Variants in CHMP4B observed in about 807,000 individuals in gnomAD.
CHMP4B encodes SNF7 homolog associated with Alix 1.
In CHMP4B, 1 loss-of-function variant was observed where a neutral mutation model predicts 25.1. The ratio of observed to expected loss-of-function variants is 0.04; its 90% confidence interval spans 0.01 to 0.19. The LOEUF (loss-of-function observed/expected upper bound fraction) is 0.19. Ranked by LOEUF, CHMP4B falls within the 10% of genes least tolerant of loss-of-function variation. CHMP4B has a pLI of 1.00. For missense variants in CHMP4B, 151 were observed against 289.7 expected (o/e 0.52, Z 3.48); for synonymous variants, 101 against 115.6 (o/e 0.87, Z 0.81).
chr20:33,838,624 A>G (rs1346638257), intron 1 of CHMP4B, among the ~76,000 whole-genome samples: 1 of 152,214 alleles, frequency 6.6e-6, no homozygotes, highest in Non-Finnish European at 1.5e-5. Context: ...TTAGCCTCTG[A>G]TCGCTGTTTA....
rs779662962 is a variant in CHMP4B, at chr20:33,846,190, G to A, written c.191-2277G>A. 2.7e-4 allele frequency among the ~76,000 whole-genome samples: 41 copies of A among 152,238 alleles called. No homozygotes were observed. In the Middle Eastern group the frequency reaches 0.014, roughly 51 times the overall value. On this transcript the variant is annotated intron_variant, in intron 1 of 4. Coordinates refer to ENST00000217402, the MANE Select transcript of CHMP4B (RefSeq NM_176812.5). ...CAGGGACTTTGGGGTTCCATACCTGGTTTAAGTCCCCTCTCTGCCAGTTAC... is the reference window on the plus strand; with the variant it reads ...CAGGGACTTTGGGGTTCCATACCTGATTTAAGTCCCCTCTCTGCCAGTTAC...
chr20:33,837,386 A>AT (rs1185202295), intron 1 of CHMP4B, among the ~76,000 whole-genome samples: 1 of 151,992 alleles, frequency 6.6e-6, no homozygotes, highest in Non-Finnish European at 1.5e-5. Flanking sequence ...TAGGATCAAG[A>AT]TTTTTAAGAT....
chr20:33,836,392 A>G (rs1303093767), intron 1 of CHMP4B, among the ~76,000 whole-genome samples: 1 of 151,806 alleles, frequency 6.6e-6, no homozygotes, highest in East Asian at 1.9e-4. Flanking sequence ...AGCAGTGTTT[A>G]TCTAGTATAG....
At chr20:33,846,538 A>C (rs1979693835) in intron 1 of CHMP4B, among the ~76,000 whole-genome samples, 1 of 152,184 alleles carries the variant, frequency 6.6e-6, no homozygotes, top group African/African-American at 2.4e-5. Context: ...TTTGGTCAGC[A>C]TTTGTTGGAA....
chr20:33,847,857 A>G (rs1411811932), intron 1 of CHMP4B, among the ~76,000 whole-genome samples: 1 of 152,130 alleles, frequency 6.6e-6, no homozygotes, highest in Non-Finnish European at 1.5e-5. Flanking sequence ...GTGTGTTGCC[A>G]TGTTACTTTT....
intron 1 of CHMP4B, among the ~76,000 whole-genome samples, chr20:33,821,856 G>A (rs1280555176): frequency 1.3e-5 from 2 of 151,384 alleles, no homozygotes; most frequent in East Asian, 3.8e-4. Flanking sequence ...TCTTGCTGTC[G>A]CCCAGGCTGG....
At chr20:33,842,010 T>C (rs993422090) in intron 1 of CHMP4B, among the ~76,000 whole-genome samples, 2 of 152,162 alleles carry the variant, frequency 1.3e-5, no homozygotes, top group African/African-American at 4.8e-5. Flanking sequence ...CACTGCGGGG[T>C]CCTGGCAAGC....
chr20:33,811,388 G>A lies in CHMP4B; in HGVS notation c.-81G>A, dbSNP rs1291401450. ...GGCAGGGAGCGGCGGGACTGGGAGCGGGCGCCGGAGCCGACCCGAGCCGAG... is the reference window on the plus strand; with the variant it reads ...GGCAGGGAGCGGCGGGACTGGGAGCAGGCGCCGGAGCCGACCCGAGCCGAG... On this transcript the variant is annotated 5_prime_UTR_variant, in exon 1 of 5. Transcript: ENST00000217402. 5.1e-6 allele frequency: 6 copies of A among 1,186,856 alleles called. No homozygotes were observed. In the South Asian group the frequency reaches 1.8e-4, roughly 35 times the overall value. The allele number at this position is 1,186,856 out of a possible 1,614,324, so 73.5% of individuals were successfully genotyped here. A position where few individuals can be genotyped will look rare whatever the true frequency, so the allele number is the denominator to read the frequency against.
At chr20:33,831,718 T>C (rs766457989) in intron 1 of CHMP4B, among the ~76,000 whole-genome samples, 4 of 152,250 alleles carry the variant, frequency 2.6e-5, no homozygotes, top group Non-Finnish European at 5.9e-5. Context: ...GGTAATTCTG[T>C]GCAGTTTGGA....
intron 1 of CHMP4B, 96 bp downstream of exon 1, chr20:33,811,754 C>T: frequency 1.5e-6 from 2 of 1,305,422 alleles, no homozygotes; most frequent in South Asian, 2.5e-5. Flanking sequence ...GGGGTCTGGT[C>T]TGACCCTGGA....
At chr20:33,853,087 G>A (rs906739598) in intron 4 of CHMP4B, among the ~76,000 whole-genome samples, 27 of 152,290 alleles carry the variant, frequency 1.8e-4, no homozygotes, top group Admixed American at 1.6e-3. Context: ...GGCAGAGGCC[G>A]TCCAGCAAGC....
At chr20:33,851,104 T>C (rs769847123) in intron 3 of CHMP4B, 38 bp downstream of exon 3, 7 of 1,264,260 alleles carry the variant, frequency 5.5e-6, no homozygotes, top group Non-Finnish European at 8.1e-6. Context: ...GCTTCACAAA[T>C]GATACCCTGA....
intron 1 of CHMP4B, among the ~76,000 whole-genome samples, chr20:33,815,449 G>A (rs894914455): frequency 1.3e-5 from 2 of 152,210 alleles, no homozygotes; most frequent in Admixed American, 6.5e-5. Context: ...ACGAAGGAGA[G>A]AGGGGAGTGG....
chr20:33,818,280 A>G (rs1236944724), intron 1 of CHMP4B, among the ~76,000 whole-genome samples: 1 of 152,244 alleles, frequency 6.6e-6, no homozygotes, highest in Non-Finnish European at 1.5e-5. Flanking sequence ...TAACTATGAG[A>G]AAAGGCAAAC....
rs946198768 is a variant in CHMP4B, at chr20:33,850,880, C to G, written c.369-72C>G. ...GATTTTGTGGGGCCCAGTTTCTGCT[C>G]CCGCCTTGCCTTGCAGGCCCCCTTT... On this transcript the variant is annotated intron_variant, in intron 2 of 4. Transcript: ENST00000217402. The G allele has an allele frequency of 2.7e-6, 3 of 1,099,586 alleles. No individual in the cohort carries two copies. In the Admixed American group the frequency reaches 5.1e-5, roughly 19 times the overall value. 68.1% of individuals were successfully genotyped at this position (1,099,586 alleles called of 1,614,324 possible).
At chr20:33,848,235 C>T (rs1891974555) in intron 1 of CHMP4B, among the ~76,000 whole-genome samples, 1 of 152,032 alleles carries the variant, frequency 6.6e-6, no homozygotes, top group Non-Finnish European at 1.5e-5. Flanking sequence ...CGTGGTTACC[C>T]GAGGGTTGAA....
chr20:33,847,286 GTTT>G (rs11398003), intron 1 of CHMP4B, among the ~76,000 whole-genome samples: 1 of 147,692 alleles, frequency 6.8e-6, no homozygotes, highest in Non-Finnish European at 1.5e-5. Flanking sequence ...TAGATGTACT[GTTT>G]TTTTTTTTAA....
chr20:33,851,160 T>G, intron 3 of CHMP4B, 94 bp downstream of exon 3: 1 of 819,928 alleles, frequency 1.2e-6, no homozygotes, highest in South Asian at 1.4e-5. Context: ...CAGGGAGCAT[T>G]TGGACTTGGA....
intron 1 of CHMP4B, among the ~76,000 whole-genome samples, chr20:33,811,945 G>C (rs986764107): frequency 1.3e-5 from 2 of 152,058 alleles, no homozygotes; most frequent in Non-Finnish European, 2.9e-5. Flanking sequence ...CCCTCACTCT[G>C]TCCCTTTCTC....
Sources: gnomAD v4.1 joint callset for allele counts (sites outside exome capture counted in the v4.1 genomes callset) on GRCh38, gnomAD v4.1.1 for gene constraint, MANE v1.5 for transcripts, NCBI Gene and HGNC (gene_info 2026-07-23, HGNC 2026-07-21) for gene names.